The following FRAS1 variants were observed in gnomAD, a reference collection of about 807,000 sequenced individuals.
FRAS1 encodes the protein Fraser extracellular matrix complex subunit 1.
FRAS1 carries 290 observed loss-of-function variants against 435.2 expected under a neutral mutation model. The observed-to-expected ratio is 0.67, with a 90% CI of 0.61 to 0.73. The LOEUF (loss-of-function observed/expected upper bound fraction) is 0.73. Ranked by LOEUF, FRAS1 falls within the 30% of genes least tolerant of loss-of-function variation. FRAS1 has a pLI of 0.00. For missense variants in FRAS1, 4,860 were observed against 5,001.5 expected (o/e 0.97, Z 0.85); for synonymous variants, 1,800 against 1,851.0 (o/e 0.97, Z 0.71).
intron 31 of FRAS1, among the ~76,000 whole-genome samples, chr4:78,410,833 T>C (rs1300917842): frequency 1.3e-5 from 2 of 152,214 alleles, no homozygotes; most frequent in Non-Finnish European, 2.9e-5. Context: ...GTTGCAAATA[T>C]GAAACAACTC....
intron 2 of FRAS1, among the ~76,000 whole-genome samples, chr4:78,185,962 G>A (rs974329496): frequency 3.3e-5 from 5 of 152,086 alleles, no homozygotes; most frequent in Non-Finnish European, 7.4e-5. Context: ...GCTGAGTCTC[G>A]TTGCTTTCTT....
chr4:78,466,040 T>C (rs941943857), intron 49 of FRAS1, among the ~76,000 whole-genome samples, 168 bp from the exon 50 acceptor site: 2 of 152,186 alleles, frequency 1.3e-5, no homozygotes, highest in African/African-American at 4.8e-5. Context: ...TAGCAAACAG[T>C]ATGGTCATTC....
chr4:78,216,212 A>G (rs1391826628), intron 2 of FRAS1, among the ~76,000 whole-genome samples: 1 of 152,226 alleles, frequency 6.6e-6, no homozygotes, highest in Non-Finnish European at 1.5e-5. Context: ...TTTCCCATGA[A>G]ATGGTTTAGA....
At chr4:78,307,813 C>G (rs1269060462) in intron 14 of FRAS1, among the ~76,000 whole-genome samples, 19 of 152,246 alleles carry the variant, frequency 1.2e-4, no homozygotes, top group Admixed American at 1.2e-3. Flanking sequence ...AATCACCCGT[C>G]TTCTGCGTTG....
rs189391608 is a variant in FRAS1 at position 78,385,984 on chromosome 4, T to C, written c.3649-1391T>C. Among the ~76,000 whole-genome samples the C allele has an allele frequency of 3.5e-4, 54 of 152,278 alleles. No homozygotes were observed. In the East Asian group the frequency reaches 9.8e-3, roughly 28 times the overall value. ...TACTGGTTTAGATGTTTCTCAGTCC[T>C]TACACTCAGAAACTTTGTTTCGTTC... On this transcript the variant is annotated intron_variant, in intron 28 of 73. Coordinates refer to ENST00000512123, the MANE Select transcript of FRAS1 (RefSeq NM_025074.7).
intron 46 of FRAS1, 118 bp downstream of exon 46, chr4:78,452,009 C>G: frequency 1.6e-6 from 2 of 1,286,578 alleles, no homozygotes; most frequent in Non-Finnish European, 2.1e-6. Flanking sequence ...GGTGTGGAAA[C>G]TGAAAATCAT....
intron 47 of FRAS1, among the ~76,000 whole-genome samples, chr4:78,462,674 T>G (rs1370625786): frequency 6.6e-6 from 1 of 152,174 alleles, no homozygotes; most frequent in Non-Finnish European, 1.5e-5. Context: ...TTGTTAAATT[T>G]TTAAAGAATG....
chr4:78,388,346 A>AC (rs60046424), intron 29 of FRAS1, among the ~76,000 whole-genome samples: 1 of 151,058 alleles, frequency 6.6e-6, no homozygotes, highest in African/African-American at 2.4e-5. Flanking sequence ...AAAAAAAAAA[A>AC]CAAAAAAAAC....
chr4:78,242,881 T>C (rs1279035831), intron 3 of FRAS1, among the ~76,000 whole-genome samples: 1 of 152,238 alleles, frequency 6.6e-6, no homozygotes, highest in Non-Finnish European at 1.5e-5. Context: ...ATCCATTCTA[T>C]AATCACAGGT....
intron 2 of FRAS1, among the ~76,000 whole-genome samples, chr4:78,087,895 T>A (rs1412942837): frequency 6.6e-6 from 1 of 152,164 alleles, no homozygotes; most frequent in African/African-American, 2.4e-5. Context: ...AAACTACCAA[T>A]GACTTTCTTC....
At chr4:78,195,923 C>T (rs1722790540) in intron 2 of FRAS1, among the ~76,000 whole-genome samples, 1 of 151,332 alleles carries the variant, frequency 6.6e-6, no homozygotes, top group African/African-American at 2.4e-5. Context: ...CTCCCCTCTC[C>T]CTGGCATGTT....
intron 2 of FRAS1, among the ~76,000 whole-genome samples, chr4:78,171,624 T>C (rs911981655): frequency 6.6e-6 from 1 of 152,124 alleles, no homozygotes; most frequent in African/African-American, 2.4e-5. Flanking sequence ...CTTACCACTC[T>C]TTCCATGGCT....
intron 58 of FRAS1, among the ~76,000 whole-genome samples, chr4:78,483,799 A>ATATATATATATATAT (rs1560753038): frequency 0.021 from 1,403 of 66,828 alleles, 168 homozygotes; most frequent in Admixed American, 0.031. Context: ...TATATATATA[A>ATATATATATATATAT]AATTATGTAT....
Position 78,464,503 on chromosome 4 carries a change from A to G in FRAS1, c.6949A>G (p.Asn2317Asp). The G allele has an allele frequency of 6.2e-7, 1 of 1,613,954 alleles. No individual in the cohort carries two copies. Residue 2317 changes from asparagine to aspartate, a missense_variant, in exon 49 of 74, where the codon AAC becomes GAC. Transcript: ENST00000512123. ...PVDDSLPVVQ[N>D]LGMRVQEGMR... is the part of the protein sequence containing the mutation. ...CGATGATTCGCTGCCCGTCGTACAG[A>G]ACTTAGGAATGCGGGTGCAGGAGGG...
chr4:78,501,689 T>C (rs1489237477), intron 61 of FRAS1, among the ~76,000 whole-genome samples: 1 of 152,230 alleles, frequency 6.6e-6, no homozygotes, highest in African/African-American at 2.4e-5. Flanking sequence ...CTCATTGTGG[T>C]TTCAATTTGC....
At chr4:78,406,681 T>TAAGCACCTGTA (rs1229320213) in intron 30 of FRAS1, among the ~76,000 whole-genome samples, 1 of 133,480 alleles carries the variant, frequency 7.5e-6, no homozygotes, top group African/African-American at 3.0e-5. Context: ...AGATGATCTT[T>TAAGCACCTGTA]AAGCACCTGT....
chr4:78,532,627 G>A (rs188272619), intron 70 of FRAS1, among the ~76,000 whole-genome samples: 137 of 152,040 alleles, frequency 9.0e-4, no homozygotes, highest in Admixed American at 8.1e-3. Context: ...CCTCCTCGTC[G>A]CTCCTGGTAA....
intron 26 of FRAS1, among the ~76,000 whole-genome samples, chr4:78,376,546 A>G (rs1000176138): frequency 6.6e-6 from 1 of 152,198 alleles, no homozygotes; most frequent in Admixed American, 6.5e-5. Flanking sequence ...ATAAATTTGT[A>G]TAGCTAATTA....
chr4:78,486,123 C>G (rs968442945), intron 58 of FRAS1, among the ~76,000 whole-genome samples: 1 of 152,198 alleles, frequency 6.6e-6, no homozygotes, highest in African/African-American at 2.4e-5. Context: ...GTGTGTGCAT[C>G]TGTGGCAAAC....
Sources: allele counts gnomAD v4.1 joint callset (sites outside exome capture counted in the v4.1 genomes callset), GRCh38; gene constraint gnomAD v4.1.1; transcripts MANE v1.5; gene names NCBI Gene and HGNC (gene_info 2026-07-23, HGNC 2026-07-21).